The following SYNE1 variants were observed in gnomAD, a reference collection of about 807,000 sequenced individuals.
SYNE1 encodes the protein nesprin-1.
A neutral mutation model predicts 1,111.0 loss-of-function variants in SYNE1; 616 were observed. That is an observed-to-expected ratio of 0.55 (90% CI 0.52 to 0.59). SYNE1 has a LOEUF of 0.59. Ranked by LOEUF, SYNE1 falls within the 20% of genes least tolerant of loss-of-function variation. SYNE1 has a pLI of 0.00. For missense variants in SYNE1, 10,006 were observed against 10,417.0 expected, an observed-to-expected ratio of 0.96 and a Z score of 1.72; for synonymous variants, 3,855 against 3,825.8, an observed-to-expected ratio of 1.01 and a Z score of -0.28.
chr6:152,326,462 C>A lies in SYNE1; in HGVS notation c.15127G>T (p.Asp5043Tyr). Residue 5043 changes from aspartate (D) to tyrosine (Y), a missense_variant, in exon 79 of 146, where the codon GAT becomes TAT. Transcript: ENST00000367255. ...KSHMEFFSTE[D>Y]QFHSNLEELH... ...TCCTCCAGGTTACTATGGAACTGAT[C>A]CTCTGTACTGAAAAATTCCATGTGG... is the stretch of plus-strand genomic sequence containing the variant. 1.2e-6 allele frequency: 2 copies of A among 1,614,174 alleles called. No homozygotes were observed. Among genetic ancestry groups the A allele is most frequent in the Non-Finnish European group, 1.7e-6 (2 of 1,180,056 alleles).
At chr6:152,453,370 A>T in intron 25 of SYNE1, 1 of 673,394 alleles carries the variant, frequency 1.5e-6, no homozygotes, top group Non-Finnish European at 2.5e-6. Flanking sequence ...CTCGAGTAAT[A>T]GGATAAAATT....
intron 127 of SYNE1, among the ~76,000 whole-genome samples, chr6:152,192,173 C>CT (rs2072623018): frequency 6.6e-6 from 1 of 152,180 alleles, no homozygotes; most frequent in Non-Finnish European, 1.5e-5. Flanking sequence ...AACATATAGT[C>CT]TATCCTTGAG....
rs1554404088 is a variant in SYNE1 at position 152,307,833 on chromosome 6, C to CTTAT, written c.17346+655_17346+656insATAA. Among the ~76,000 whole-genome samples the CTTAT allele has an allele frequency of 2.6e-5, 4 of 151,444 alleles. No homozygotes were observed. In the East Asian group the frequency reaches 5.9e-4, roughly 22 times the overall value. The stretch of plus-strand genomic sequence containing the variant: ...GAAGAAAATGTTTAAAATATTAAGT[C>CTTAT]TTGTTTGTTTGTTTGTTTGAGACTG... On this transcript the variant is annotated intron_variant, in intron 91 of 145. Transcript: ENST00000367255.
intron 125 of SYNE1, among the ~76,000 whole-genome samples, chr6:152,206,700 C>T (rs532515536): frequency 3.7e-4 from 57 of 152,220 alleles, no homozygotes; most frequent in Non-Finnish European, 7.2e-4. Context: ...TCTTGCGAGA[C>T]ATGAACTTCA....
chr6:152,470,234 T>C (rs140880912), intron 16 of SYNE1, among the ~76,000 whole-genome samples: 26 of 152,324 alleles, frequency 1.7e-4, no homozygotes, highest in Admixed American at 1.2e-3. Context: ...ATTATTAATA[T>C]CATTGTGTTG....
chr6:152,388,945 A>G (rs1487933615), intron 53 of SYNE1, among the ~76,000 whole-genome samples: 1 of 152,226 alleles, frequency 6.6e-6, no homozygotes, highest in African/African-American at 2.4e-5. Flanking sequence ...AGTCTATGAT[A>G]TAGAGTAAGA....
At chr6:152,268,593 A>G (rs2092937533) in intron 99 of SYNE1, among the ~76,000 whole-genome samples, 1 of 152,176 alleles carries the variant, frequency 6.6e-6, no homozygotes, top group African/African-American at 2.4e-5. Flanking sequence ...TTCATTATTT[A>G]TAATAAATCC....
At chr6:152,244,027 T>TTTG (rs1562459005) in intron 106 of SYNE1, among the ~76,000 whole-genome samples, 1 of 152,308 alleles carries the variant, frequency 6.6e-6, no homozygotes, top group African/African-American at 2.4e-5. Context: ...TAGTTTAATT[T>TTTG]TTGTTGTTGT....
rs750107370 is a variant in SYNE1 at position 152,310,403 on chromosome 6, T to C, written c.17012A>G (p.His5671Arg). 1.2e-6 allele frequency: 2 copies of C among 1,614,192 alleles called. No homozygotes were observed. Among genetic ancestry groups the C allele is most frequent in the South Asian group, 1.1e-5 (1 of 91,080 alleles). The change falls in exon 89 of 146, where the codon CAT (histidine) becomes CGT (arginine). Residue 5671 changes from histidine (H) to arginine (R), a missense_variant. His to Arg is a conservative substitution (Grantham distance 29). Coordinates refer to ENST00000367255, the MANE Select transcript of SYNE1 (RefSeq NM_182961.4). ...GRLSLKEQLS[H>R]RQHLLSEMES... ...CAAGTTAGTTTGGCTTACCTGCCGA[T>C]GAGAGAGCTGCTCCTTGAGACTGAG... is the stretch of plus-strand genomic sequence containing the variant.
At position 152,637,307 on chromosome 6, in the gene SYNE1, T is replaced by C. The variant is rs1203710046; in HGVS notation, c.-510A>G. The C allele has an allele frequency of 1.3e-5, 2 of 152,288 alleles. No homozygotes were observed. The highest frequency in any genetic ancestry group is 4.8e-5 in the African/African-American group (2 of 41,462). 9.4% of individuals were successfully genotyped at this position (152,288 alleles called of 1,614,324 possible). On this transcript the variant is annotated 5_prime_UTR_variant, in exon 1 of 146. Coordinates refer to ENST00000367255, the MANE Select transcript of SYNE1 (RefSeq NM_182961.4). The stretch of plus-strand genomic sequence containing the variant: ...CCCGGGGGTCGAGGTGGGAAGGAAA[T>C]GTCCCTGAGAGCCGGGACGCGCTGC...
intron 145 of SYNE1, among the ~76,000 whole-genome samples, chr6:152,125,098 T>G (rs1247193540): frequency 6.6e-6 from 1 of 152,210 alleles, no homozygotes; most frequent in Non-Finnish European, 1.5e-5. Flanking sequence ...ACCTGGAGAC[T>G]CTAGACAGGC....
intron 3 of SYNE1, among the ~76,000 whole-genome samples, chr6:152,563,469 G>A (rs983451351): frequency 2.6e-5 from 4 of 152,026 alleles, no homozygotes; most frequent in African/African-American, 4.8e-5. Flanking sequence ...TTTTTCATTC[G>A]ATATTTAGAA....
intron 91 of SYNE1, among the ~76,000 whole-genome samples, chr6:152,302,595 A>C (rs2095235804): frequency 6.6e-6 from 1 of 152,142 alleles, no homozygotes; most frequent in African/African-American, 2.4e-5. Context: ...TGTCTCTAAG[A>C]ATTTTTTTTA....
intron 59 of SYNE1, among the ~76,000 whole-genome samples, chr6:152,370,330 G>A (rs9479304): frequency 0.041 from 6,266 of 152,118 alleles, 409 homozygotes; most frequent in African/African-American, 0.14. Flanking sequence ...TGACACTTCC[G>A]GAGACACACC....
Position 152,472,362 on chromosome 6 carries a change from G to A in SYNE1, c.1402C>T (p.Arg468Trp), listed in dbSNP as rs1469601635. ...GGAATCCCGTTAACAGACCTGGTCC[G>A]GTAGATTTCATGGAATGCTCTTTTG... is the stretch of plus-strand genomic sequence containing the variant. ...AHKRAFHEIYRTRSVNGIPVP... is the reference protein window; with the variant it reads ...AHKRAFHEIYWTRSVNGIPVP... Residue 468 changes from arginine (R) to tryptophan (W), a missense_variant, in exon 15 of 146, where the codon CGG becomes TGG. Physicochemically the swap from Arg to Trp is moderately radical, Grantham distance 101. Coordinates refer to ENST00000367255, the MANE Select transcript of SYNE1 (RefSeq NM_182961.4). 21 of 1,613,826 alleles carry A rather than the reference G, an allele frequency of 1.3e-5. No individual in the cohort carries two copies. The highest frequency in any genetic ancestry group is 1.6e-5 in the Non-Finnish European group (19 of 1,179,968).
intron 49 of SYNE1, among the ~76,000 whole-genome samples, chr6:152,398,107 T>C (rs1277371235): frequency 3.3e-5 from 5 of 152,184 alleles, no homozygotes; most frequent in Non-Finnish European, 5.9e-5. Flanking sequence ...GAGCCTATTC[T>C]TCTGTAAATC....
chr6:152,589,197 A>C (rs1369451170), intron 3 of SYNE1, among the ~76,000 whole-genome samples: 1 of 152,132 alleles, frequency 6.6e-6, no homozygotes, highest in Non-Finnish European at 1.5e-5. Flanking sequence ...GTGAGCCACC[A>C]TGCCTGGCCA....
At chr6:152,145,879 G>A (rs139169112) in intron 137 of SYNE1, 2 of 355,770 alleles carry the variant, frequency 5.6e-6, no homozygotes, top group African/African-American at 4.3e-5. Flanking sequence ...ACAAAAATTA[G>A]CCAGGTGTGG....
chr6:152,590,810 T>C (rs1352662824), intron 3 of SYNE1, among the ~76,000 whole-genome samples: 3 of 152,200 alleles, frequency 2.0e-5, no homozygotes, highest in Admixed American at 1.3e-4. Flanking sequence ...TACTAATTCA[T>C]TAAAAATATC....
Sources: gnomAD v4.1 joint callset for allele counts (sites outside exome capture counted in the v4.1 genomes callset) on GRCh38, gnomAD v4.1.1 for gene constraint, MANE v1.5 for transcripts, NCBI Gene and HGNC (gene_info 2026-07-23, HGNC 2026-07-21) for gene names.